NF1: variants seen among roughly 807,000 people sequenced by gnomAD.
NF1 encodes the protein neurofibromin 1, also known as neurofibromin.
Under a neutral mutation model 325.7 loss-of-function variants are expected in NF1, and 122 were observed. The ratio of observed to expected loss-of-function variants is 0.37; its 90% CI spans 0.32 to 0.44. The LOEUF (loss-of-function observed/expected upper bound fraction) is 0.44, where lower values mean the gene tolerates loss of function less well. Among genes scored for constraint, NF1 ranks in the 20% least tolerant of loss-of-function variants. The probability of loss-of-function intolerance (pLI) is 1.00; values close to 1 mark genes in which losing one functional copy is unlikely to be tolerated. For missense variants in NF1, 2,140 were observed against 3,415.4 expected (o/e 0.63, Z 9.31); for synonymous variants, 1,091 against 1,186.0 (o/e 0.92, Z 1.65).
At chr17:31,368,980 G>A (rs144995037) in intron 57 of NF1, among the ~76,000 whole-genome samples, 181 of 152,244 alleles carry the variant, frequency 1.2e-3, no homozygotes, top group African/African-American at 4.1e-3. Context: ...CTGCACAGGT[G>A]GCAGGAGATT....
At chr17:31,181,643 G>A (rs1310153380) in intron 6 of NF1, 67 bp from the exon 7 acceptor site, 1 of 1,337,458 alleles carries the variant, frequency 7.5e-7, no homozygotes, top group Non-Finnish European at 1.1e-6. Context: ...GAAGTTAGAA[G>A]TTTGTGACAT....
chr17:31,162,588 T>C, intron 3 of NF1, among the ~76,000 whole-genome samples: 1 of 152,242 alleles, frequency 6.6e-6, no homozygotes, highest in Admixed American at 6.5e-5. Context: ...AAGGGAATTG[T>C]TTATTTTTCC....
chr17:31,159,475 T>G (rs1268824703), intron 3 of NF1, among the ~76,000 whole-genome samples: 4 of 152,200 alleles, frequency 2.6e-5, no homozygotes, highest in Non-Finnish European at 5.9e-5. Context: ...TGAATATGAT[T>G]TTAATATTCT....
intron 20 of NF1, among the ~76,000 whole-genome samples, chr17:31,227,965 T>C (rs2067045921): frequency 1.3e-5 from 2 of 152,074 alleles, no homozygotes; most frequent in African/African-American, 2.4e-5. Context: ...AGAGACTGTT[T>C]GTTGCAGAGA....
intron 36 of NF1, among the ~76,000 whole-genome samples, chr17:31,266,545 C>T (rs17878288): frequency 1.4e-3 from 213 of 152,210 alleles, no homozygotes; most frequent in African/African-American, 4.9e-3. Context: ...TTTTAATTTT[C>T]GTTTGCGTTT....
chr17:31,293,766 G>C (rs2068401828), intron 36 of NF1, among the ~76,000 whole-genome samples: 1 of 152,144 alleles, frequency 6.6e-6, no homozygotes, highest in Non-Finnish European at 1.5e-5. Flanking sequence ...TACCACATTT[G>C]TGTCTCACCC....
At chr17:31,201,822 A>G (rs531987786) in intron 11 of NF1, among the ~76,000 whole-genome samples, 42 of 152,314 alleles carry the variant, frequency 2.8e-4, no homozygotes, top group African/African-American at 9.6e-4. Context: ...CTTTTCAAAC[A>G]TATTATTTCA....
chr17:31,259,854 T>G (rs2067653177), intron 33 of NF1, among the ~76,000 whole-genome samples: 1 of 152,194 alleles, frequency 6.6e-6, no homozygotes, highest in Non-Finnish European at 1.5e-5. Flanking sequence ...CTCTTCCAGT[T>G]TATCATCATT....
At chr17:31,359,319 A>G in intron 56 of NF1, 1 of 384,144 alleles carries the variant, frequency 2.6e-6, no homozygotes, top group Non-Finnish European at 4.8e-6. Context: ...ATCTTAATGC[A>G]CACAGTTAGA....
chr17:31,190,062 AAAAAATGTATTTTT>A (rs1283297933), intron 8 of NF1, among the ~76,000 whole-genome samples: 3 of 150,354 alleles, frequency 2.0e-5, no homozygotes, highest in African/African-American at 7.3e-5. Context: ...GCGCCTGGCT[AAAAAATGTATTTTT>A]AAAAATGTAT....
At chr17:31,361,062 C>G (rs1332197771) in intron 57 of NF1, 1 of 159,490 alleles carries the variant, frequency 6.3e-6, no homozygotes, top group Non-Finnish European at 1.2e-5. Flanking sequence ...TTCTCTGTCT[C>G]TGATACAGCA....
At chr17:31,128,505 A>C (rs531198632) in intron 1 of NF1, 1 of 152,134 alleles carries the variant, frequency 6.6e-6, no homozygotes, top group East Asian at 1.9e-4. Flanking sequence ...GAGCTCTCGT[A>C]AGGTAGGTCT....
intron 13 of NF1, among the ~76,000 whole-genome samples, chr17:31,215,523 A>T (rs952357371): frequency 6.6e-5 from 10 of 152,192 alleles, no homozygotes; most frequent in Non-Finnish European, 4.4e-5. Flanking sequence ...TTCCTATCTC[A>T]GAGATACTGT....
chr17:31,204,673 A>G (rs2066589390), intron 11 of NF1, among the ~76,000 whole-genome samples: 2 of 152,062 alleles, frequency 1.3e-5, no homozygotes, highest in Admixed American at 1.3e-4. Flanking sequence ...ACGGTTTCAA[A>G]AGCTATTAAA....
In NF1 at chr17:31,350,119, A is replaced by G. The variant is rs2070100974; in HGVS notation, c.7322-64A>G. 2.5e-6 allele frequency: 4 copies of G among 1,578,126 alleles called. No individual in the cohort carries two copies. In the Admixed American group the frequency reaches 5.0e-5, roughly 20 times the overall value. On this transcript the variant is annotated intron_variant, in intron 49 of 57. Transcript: ENST00000358273. ...CTCTTTAGGAGACTGTAAGAAGTTCATCCTGTTTTAAGTCACACTTGTGAT... is the reference window on the plus strand; with the variant it reads ...CTCTTTAGGAGACTGTAAGAAGTTCGTCCTGTTTTAAGTCACACTTGTGAT...
intron 29 of NF1, among the ~76,000 whole-genome samples, chr17:31,243,060 G>A (rs981018797): frequency 1.3e-5 from 2 of 152,254 alleles, no homozygotes; most frequent in Non-Finnish European, 2.9e-5. Context: ...CACTCATAGC[G>A]GTACCACCTT....
At chr17:31,121,929 G>C (rs1914474613) in intron 1 of NF1, among the ~76,000 whole-genome samples, 1 of 152,112 alleles carries the variant, frequency 6.6e-6, no homozygotes, top group African/African-American at 2.4e-5. Context: ...GAAGGATGCA[G>C]GTGTTTCAAT....
chr17:31,319,777 A>G (rs746169586), intron 36 of NF1, among the ~76,000 whole-genome samples: 27 of 151,162 alleles, frequency 1.8e-4, no homozygotes, highest in Middle Eastern at 3.4e-3. Flanking sequence ...AAAACAGCAA[A>G]TTTCCTCTGA....
chr17:31,360,856 T>C, intron 57 of NF1, 153 bp downstream of exon 57: 1 of 706,152 alleles, frequency 1.4e-6, no homozygotes, highest in Non-Finnish European at 2.5e-6. Flanking sequence ...ACTTGACTTT[T>C]GTTATTCTAT....
Sources: allele counts gnomAD v4.1 joint callset (sites outside exome capture counted in the v4.1 genomes callset), GRCh38; gene constraint gnomAD v4.1.1; transcripts MANE v1.5; gene names NCBI Gene and HGNC (gene_info 2026-07-23, HGNC 2026-07-21).